The following COL23A1 variants were observed in gnomAD, a reference collection of about 807,000 sequenced individuals.
The protein encoded by COL23A1 is collagen type XXIII alpha 1 chain, also known as collagen alpha-1(XXIII) chain.
A neutral mutation model predicts 99.3 loss-of-function variants in COL23A1; 97 were observed. The ratio of observed to expected loss-of-function variants is 0.98; its 90% confidence interval spans 0.83 to 1.16. COL23A1 has a LOEUF of 1.16. COL23A1 is among the 50% of genes most tolerant of loss of function. The probability of loss-of-function intolerance (pLI) is 0.00; values close to 1 mark genes in which losing one functional copy is unlikely to be tolerated. For missense variants in COL23A1, 762 were observed against 757.4 expected, an observed-to-expected ratio of 1.01 and a Z score of -0.07; for synonymous variants, 320 against 308.2, an observed-to-expected ratio of 1.04 and a Z score of -0.40.
intron 2 of COL23A1, among the ~76,000 whole-genome samples, chr5:178,466,770 A>C (rs1001111050): frequency 6.6e-6 from 1 of 152,222 alleles, no homozygotes; most frequent in African/African-American, 2.4e-5. Context: ...CCAGCTGGGA[A>C]GGACTGTTGG....
intron 2 of COL23A1, among the ~76,000 whole-genome samples, chr5:178,554,698 TC>T (rs1354269933): frequency 2.0e-5 from 3 of 152,010 alleles, no homozygotes; most frequent in African/African-American, 7.3e-5. Flanking sequence ...CCACTTTGTC[TC>T]CCCTGGTTCC....
chr5:178,566,552 G>A (rs1233009697), intron 1 of COL23A1, among the ~76,000 whole-genome samples: 1 of 152,032 alleles, frequency 6.6e-6, no homozygotes, highest in Non-Finnish European at 1.5e-5. Flanking sequence ...GTGGTGGCTC[G>A]CGCCTGTAAT....
At chr5:178,584,618 G>C (rs2113742542) in intron 1 of COL23A1, among the ~76,000 whole-genome samples, 1 of 152,294 alleles carries the variant, frequency 6.6e-6, no homozygotes, top group South Asian at 2.1e-4. Context: ...TGCTCGGTGA[G>C]GGAAGGAGGG....
At chr5:178,452,746 C>T (rs2127870753) in intron 2 of COL23A1, among the ~76,000 whole-genome samples, 1 of 152,292 alleles carries the variant, frequency 6.6e-6, no homozygotes, top group East Asian at 1.9e-4. Context: ...TTCTCCAAGA[C>T]ACAATTTTTT....
At chr5:178,358,635 A>AGT (rs546261870) in intron 2 of COL23A1, among the ~76,000 whole-genome samples, 30 of 124,704 alleles carry the variant, frequency 2.4e-4, no homozygotes, top group African/African-American at 8.6e-4. Context: ...GTATGTGTCT[A>AGT]GTGTGTGTGT....
intron 2 of COL23A1, among the ~76,000 whole-genome samples, chr5:178,401,677 A>T (rs1004133625): frequency 6.6e-6 from 1 of 152,260 alleles, no homozygotes; most frequent in African/African-American, 2.4e-5. Flanking sequence ...GCAGAGTCAT[A>T]GAAGTAGATG....
chr5:178,246,405 G>T lies in COL23A1; in HGVS notation c.1345C>A (p.Pro449Thr). Reference sequence around the variant, plus strand: ...GTGAGACTCACAGGCAGGCCGCTGGGGCCTCTCTCACCCGACGCACCCTTC... The same window carrying T: ...GTGAGACTCACAGGCAGGCCGCTGGTGCCTCTCTCACCCGACGCACCCTTC... ...GEKGASGERG[P>T]SGLPGPVGPP... Residue 449 changes from proline (P) to threonine (T), a missense_variant, in exon 23 of 29, where the codon CCC becomes ACC. Physicochemically the swap from Pro to Thr is conservative, Grantham distance 38. Transcript: ENST00000390654. 1 of 1,580,592 alleles carries T rather than the reference G, an allele frequency of 6.3e-7. No homozygotes were observed. Among genetic ancestry groups the T allele is most frequent in the Non-Finnish European group, 8.6e-7 (1 of 1,162,612 alleles).
chr5:178,572,319 A>G (rs886326789), intron 1 of COL23A1, among the ~76,000 whole-genome samples: 8 of 152,136 alleles, frequency 5.3e-5, no homozygotes, highest in African/African-American at 1.9e-4. Flanking sequence ...TGGAGTCACC[A>G]AATGAGGAGT....
chr5:178,536,929 G>C (rs900449224), intron 2 of COL23A1, among the ~76,000 whole-genome samples: 1 of 152,176 alleles, frequency 6.6e-6, no homozygotes, highest in Non-Finnish European at 1.5e-5. Flanking sequence ...GTTCTACCAC[G>C]GGGCCTGCAC....
chr5:178,321,910 G>A (rs564696851), intron 2 of COL23A1, among the ~76,000 whole-genome samples: 2 of 152,084 alleles, frequency 1.3e-5, no homozygotes, highest in East Asian at 1.9e-4. Context: ...TACCTCTTAG[G>A]TTCAAGTGAT....
intron 2 of COL23A1, among the ~76,000 whole-genome samples, chr5:178,435,723 C>T (rs1766521991): frequency 6.6e-6 from 1 of 152,112 alleles, no homozygotes; most frequent in Non-Finnish European, 1.5e-5. Context: ...CTTTTGAAGC[C>T]GCAATTGCAT....
chr5:178,521,922 G>A (rs536731589), intron 2 of COL23A1, among the ~76,000 whole-genome samples: 4 of 152,288 alleles, frequency 2.6e-5, no homozygotes, highest in South Asian at 2.1e-4. Context: ...TTGGCAATAC[G>A]TAGTGGTGAT....
At chr5:178,510,904 T>G (rs1759170203) in intron 2 of COL23A1, among the ~76,000 whole-genome samples, 1 of 152,108 alleles carries the variant, frequency 6.6e-6, no homozygotes, top group East Asian at 1.9e-4. Flanking sequence ...TTTGACGGAC[T>G]CCCACGGAGC....
intron 5 of COL23A1, among the ~76,000 whole-genome samples, chr5:178,270,651 T>G (rs1756238325): frequency 6.6e-6 from 1 of 152,134 alleles, no homozygotes; most frequent in Admixed American, 6.5e-5. Flanking sequence ...GTGACCGCAT[T>G]CCCTCCGCCA....
chr5:178,572,931 A>G (rs262062), intron 1 of COL23A1, among the ~76,000 whole-genome samples: 85,284 of 152,188 alleles, frequency 0.56, 27,735 homozygotes, highest in African/African-American at 0.88. Flanking sequence ...CAATAACTAC[A>G]CTGAGTGAAA....
intron 2 of COL23A1, among the ~76,000 whole-genome samples, chr5:178,479,127 C>G (rs777273011): frequency 7.0e-6 from 1 of 143,578 alleles, no homozygotes; most frequent in Non-Finnish European, 1.6e-5. Flanking sequence ...TGATGATGAC[C>G]GTGGTAATGA....
chr5:178,382,992 C>T (rs1022534750), intron 2 of COL23A1, among the ~76,000 whole-genome samples: 6 of 152,218 alleles, frequency 3.9e-5, no homozygotes, highest in Middle Eastern at 3.4e-3. Flanking sequence ...TGAGAGACTC[C>T]ACCTGTCGGG....
chr5:178,454,516 C>G (rs543984006), intron 2 of COL23A1, among the ~76,000 whole-genome samples: 12 of 152,196 alleles, frequency 7.9e-5, no homozygotes, highest in Admixed American at 6.5e-4. Flanking sequence ...GGAGGAAAAG[C>G]CTGCAGTCTC....
intron 2 of COL23A1, among the ~76,000 whole-genome samples, chr5:178,515,497 C>G (rs1726221801): frequency 6.6e-6 from 1 of 152,190 alleles, no homozygotes; most frequent in Non-Finnish European, 1.5e-5. Context: ...TGCCTGAAAT[C>G]ATTCCTGCTC....
Sources: allele counts gnomAD v4.1 joint callset (sites outside exome capture counted in the v4.1 genomes callset), GRCh38; gene constraint gnomAD v4.1.1; transcripts MANE v1.5; gene names NCBI Gene and HGNC (gene_info 2026-07-23, HGNC 2026-07-21).